PACRG: variants seen among roughly 807,000 people sequenced by gnomAD.
PACRG encodes parkin coregulated.
Under a neutral mutation model 29.7 loss-of-function variants are expected in PACRG, and 29 were observed. That is an observed-to-expected ratio of 0.98 (90% CI 0.73 to 1.33). The LOEUF is 1.33. Among genes scored for constraint, PACRG ranks in the 40% most tolerant of loss-of-function variants. The pLI is 0.00. For missense variants in PACRG, 279 were observed against 316.2 expected, an observed-to-expected ratio of 0.88 and a Z score of 0.89; for synonymous variants, 116 against 118.7, an observed-to-expected ratio of 0.98 and a Z score of 0.15.
At position 162,918,153 on chromosome 6, in the gene PACRG, A is replaced by G. The variant is rs1042837542; in HGVS notation, c.291+103872A>G. Among the ~76,000 whole-genome samples the G allele has an allele frequency of 2.6e-5, 4 of 152,204 alleles. No homozygotes were observed. In the East Asian group the frequency reaches 5.8e-4, roughly 22 times the overall value. On this transcript the variant is annotated intron_variant, in intron 2 of 4. Transcript: ENST00000366888. ...TTCTCCTCGTTGTAGAAGGAAGCTA[A>G]TTGTCAGAGGTAATATCTATTAAGC... is the stretch of plus-strand genomic sequence containing the variant.
At chr6:162,915,457 C>T (rs1372832995) in intron 2 of PACRG, among the ~76,000 whole-genome samples, 1 of 151,880 alleles carries the variant, frequency 6.6e-6, no homozygotes, top group Non-Finnish European at 1.5e-5. Flanking sequence ...ACACCAGGAG[C>T]CTGGCCATTT....
chr6:162,998,710 G>A (rs1804310383), intron 2 of PACRG, among the ~76,000 whole-genome samples: 2 of 152,042 alleles, frequency 1.3e-5, no homozygotes, highest in South Asian at 4.1e-4. Flanking sequence ...TTCTGCTCTA[G>A]AAGCATGCTT....
intron 4 of PACRG, chr6:163,190,897 A>G (rs552826088): frequency 8.8e-6 from 4 of 455,096 alleles, no homozygotes; most frequent in African/African-American, 8.0e-5. Flanking sequence ...AACAGCTCCA[A>G]GCACACTCAC....
At chr6:162,952,664 T>G (rs1288696493) in intron 2 of PACRG, among the ~76,000 whole-genome samples, 1 of 152,146 alleles carries the variant, frequency 6.6e-6, no homozygotes, top group Non-Finnish European at 1.5e-5. Context: ...CACACTAAAT[T>G]GTATCACATC....
intron 4 of PACRG, among the ~76,000 whole-genome samples, chr6:163,146,339 T>G (rs1443348726): frequency 1.3e-5 from 2 of 152,180 alleles, no homozygotes; most frequent in African/African-American, 4.8e-5. Flanking sequence ...TGCCTTCTGT[T>G]GATTTTCAGA....
At chr6:162,972,940 C>A (rs1801650685) in intron 2 of PACRG, among the ~76,000 whole-genome samples, 1 of 152,144 alleles carries the variant, frequency 6.6e-6, no homozygotes, top group African/African-American at 2.4e-5. Flanking sequence ...TGTTATAAAG[C>A]AGGTTTTAAA....
chr6:163,176,337 A>G (rs1779356989), intron 4 of PACRG, among the ~76,000 whole-genome samples: 1 of 152,240 alleles, frequency 6.6e-6, no homozygotes, highest in Non-Finnish European at 1.5e-5. Context: ...AAAGTGTAAA[A>G]CATTCCTATT....
chr6:162,899,890 T>A (rs1227701593), intron 2 of PACRG, among the ~76,000 whole-genome samples: 2 of 152,132 alleles, frequency 1.3e-5, no homozygotes, highest in Non-Finnish European at 2.9e-5. Context: ...AATAACCTGT[T>A]CCAGGTCTGA....
At chr6:163,221,888 C>A (rs1187428742) in intron 4 of PACRG, among the ~76,000 whole-genome samples, 2 of 152,096 alleles carry the variant, frequency 1.3e-5, no homozygotes, top group Middle Eastern at 3.2e-3. Flanking sequence ...CCTTGCACAG[C>A]CAGACTGTTA....
intron 1 of PACRG, among the ~76,000 whole-genome samples, chr6:162,802,646 A>G (rs912929215): frequency 6.6e-6 from 1 of 152,140 alleles, no homozygotes; most frequent in African/African-American, 2.4e-5. Flanking sequence ...TATAGAATAC[A>G]GATCCTTCTT....
chr6:163,207,311 T>C (rs926454753), intron 4 of PACRG, among the ~76,000 whole-genome samples: 2 of 152,172 alleles, frequency 1.3e-5, no homozygotes, highest in African/African-American at 4.8e-5. Flanking sequence ...CCACAGCCTA[T>C]TAAGTTTCTC....
chr6:162,999,554 A>G (rs1584973745), intron 2 of PACRG, among the ~76,000 whole-genome samples: 1 of 152,232 alleles, frequency 6.6e-6, no homozygotes, highest in Non-Finnish European at 1.5e-5. Context: ...GATTAAACAC[A>G]CACAAAAAAT....
chr6:162,780,462 C>G (rs1784011112), intron 1 of PACRG, among the ~76,000 whole-genome samples: 2 of 152,036 alleles, frequency 1.3e-5, no homozygotes, highest in Admixed American at 6.6e-5. Context: ...ATATTTATAG[C>G]TATACTAAAA....
chr6:162,958,880 TATATAGAGAGAGAGAG>T (rs1203291118), intron 2 of PACRG, among the ~76,000 whole-genome samples: 38 of 16,482 alleles, frequency 2.3e-3, no homozygotes, highest in African/African-American at 5.4e-3. Flanking sequence ...TATATATATA[TATATAGAGAGAGAGAG>T]AGAGAGAGAG....
upstream of PACRG, chr6:162,727,209 G>C (rs1470458260): frequency 1.8e-5 from 3 of 163,112 alleles, no homozygotes; most frequent in South Asian, 3.7e-4. Context: ...GCTTTGCTGC[G>C]GTTTCCTGAA....
At chr6:162,736,236 A>C (rs1562544065) in intron 1 of PACRG, among the ~76,000 whole-genome samples, 1 of 152,228 alleles carries the variant, frequency 6.6e-6, no homozygotes, top group Non-Finnish European at 1.5e-5. Context: ...CATCCACAAA[A>C]GATTTCAGTG....
At chr6:162,955,597 C>T (rs1274053655) in intron 2 of PACRG, among the ~76,000 whole-genome samples, 4 of 152,180 alleles carry the variant, frequency 2.6e-5, no homozygotes, top group Non-Finnish European at 5.9e-5. Flanking sequence ...CCACGCCCAG[C>T]CCAAAATCTG....
Position 162,845,814 on chromosome 6 carries a change from A to G in PACRG, c.291+31533A>G, listed in dbSNP as rs538160556. Among the ~76,000 whole-genome samples, 4 of 152,292 alleles carry G rather than the reference A, an allele frequency of 2.6e-5. No individual in the cohort carries two copies. The South Asian group carries it at 6.2e-4, about 24-fold the overall frequency. On this transcript the variant is annotated intron_variant, in intron 2 of 4. Coordinates refer to ENST00000366888, the MANE Select transcript of PACRG (RefSeq NM_001080379.2). Reference sequence around the variant, plus strand: ...ATTAATTGCCAGTTTGCATCATTCAATCTCTGAATTTTCATTTGTATGTTA... The same window carrying G: ...ATTAATTGCCAGTTTGCATCATTCAGTCTCTGAATTTTCATTTGTATGTTA...
intron 1 of PACRG, among the ~76,000 whole-genome samples, chr6:162,802,924 G>C (rs988434711): frequency 2.6e-5 from 4 of 151,918 alleles, no homozygotes; most frequent in South Asian, 2.1e-4. Flanking sequence ...TACTGTCTTG[G>C]GGCCTCAGCC....
Sources: allele counts gnomAD v4.1 joint callset (sites outside exome capture counted in the v4.1 genomes callset), GRCh38; gene constraint gnomAD v4.1.1; transcripts MANE v1.5; gene names NCBI Gene and HGNC (gene_info 2026-07-23, HGNC 2026-07-21).